Variants in SORCS2 observed in about 807,000 individuals in gnomAD.
The protein encoded by SORCS2 is sortilin related VPS10 domain containing receptor 2, also known as VPS10 domain-containing receptor SorCS2.
Under a neutral mutation model 141.6 loss-of-function variants are expected in SORCS2, and 100 were observed. That is an observed-to-expected ratio of 0.71 (90% CI 0.60 to 0.83). The LOEUF (loss-of-function observed/expected upper bound fraction) is 0.83. Among genes scored for constraint, SORCS2 ranks in the 40% least tolerant of loss-of-function variants. The pLI is 0.00. For missense variants in SORCS2, 1,646 were observed against 1,560.2 expected (o/e 1.05, Z -0.93); for synonymous variants, 789 against 676.9 (o/e 1.17, Z -2.57).
chr4:7,480,679 A>C (rs1056861936), intron 2 of SORCS2, among the ~76,000 whole-genome samples: 1 of 152,172 alleles, frequency 6.6e-6, no homozygotes, highest in African/African-American at 2.4e-5. Context: ...GGCCAGAACC[A>C]TGTGTGATAT....
At chr4:7,328,238 G>T (rs1157768933) in intron 1 of SORCS2, among the ~76,000 whole-genome samples, 2 of 147,088 alleles carry the variant, frequency 1.4e-5, no homozygotes, top group African/African-American at 5.1e-5. Flanking sequence ...GTTTTACCAT[G>T]TTGGCCAGGC....
chr4:7,376,481 G>A (rs1722663781), intron 1 of SORCS2, among the ~76,000 whole-genome samples: 1 of 152,184 alleles, frequency 6.6e-6, no homozygotes, highest in Non-Finnish European at 1.5e-5. Flanking sequence ...GGAGGCTGAG[G>A]CAGGAGAATC....
chr4:7,619,971 C>T (rs148802443), intron 3 of SORCS2, among the ~76,000 whole-genome samples: 1 of 152,172 alleles, frequency 6.6e-6, no homozygotes, highest in African/African-American at 2.4e-5. Flanking sequence ...CTCGCTCACT[C>T]TAGAAACAGC....
At chr4:7,433,573 A>C in intron 2 of SORCS2, 1 of 1,611,836 alleles carries the variant, frequency 6.2e-7, no homozygotes, top group South Asian at 1.1e-5. Context: ...CTTGCACTGG[A>C]TCATATAGGG....
intron 2 of SORCS2, among the ~76,000 whole-genome samples, chr4:7,497,204 C>T (rs1424250899): frequency 3.3e-5 from 5 of 152,238 alleles, no homozygotes; most frequent in Admixed American, 1.3e-4. Context: ...GGTGTTGGTG[C>T]ATTTAAGGGC....
chr4:7,389,918 G>A (rs1231129957), intron 1 of SORCS2, among the ~76,000 whole-genome samples: 2 of 152,000 alleles, frequency 1.3e-5, no homozygotes, highest in East Asian at 1.9e-4. Flanking sequence ...GAGCAGGGGT[G>A]CGGGCCTCCC....
intron 2 of SORCS2, among the ~76,000 whole-genome samples, chr4:7,461,879 C>T (rs1423507393): frequency 6.6e-6 from 1 of 152,118 alleles, no homozygotes; most frequent in Non-Finnish European, 1.5e-5. Flanking sequence ...CCTGGAGCTT[C>T]CAGGCACACC....
intron 1 of SORCS2, among the ~76,000 whole-genome samples, chr4:7,360,050 T>A (rs1259787953): frequency 6.6e-6 from 1 of 152,240 alleles, no homozygotes; most frequent in Non-Finnish European, 1.5e-5. Flanking sequence ...ACATGCATTA[T>A]TTTAATGAAT....
chr4:7,557,012 C>T (rs73084719), intron 3 of SORCS2, among the ~76,000 whole-genome samples: 73 of 150,260 alleles, frequency 4.9e-4, no homozygotes, highest in African/African-American at 1.2e-3. Context: ...TTTATCCATC[C>T]ATCTGTCCAC....
At chr4:7,559,031 C>T (rs1273855379) in intron 3 of SORCS2, among the ~76,000 whole-genome samples, 2 of 152,338 alleles carry the variant, frequency 1.3e-5, no homozygotes, top group Non-Finnish European at 2.9e-5. Context: ...TGTTTTGAGC[C>T]ACTACTCGCT....
intron 3 of SORCS2, among the ~76,000 whole-genome samples, chr4:7,561,979 C>G (rs1223809522): frequency 6.6e-6 from 1 of 152,206 alleles, no homozygotes; most frequent in Admixed American, 6.5e-5. Flanking sequence ...ATCCATCTAC[C>G]CATCCGTCCC....
At chr4:7,226,830 A>C (rs569092006) in intron 1 of SORCS2, among the ~76,000 whole-genome samples, 1 of 152,326 alleles carries the variant, frequency 6.6e-6, no homozygotes, top group African/African-American at 2.4e-5. Context: ...GCCGGGAAGC[A>C]CCAGGGCGTG....
intron 2 of SORCS2, among the ~76,000 whole-genome samples, chr4:7,399,418 G>C (rs1162151130): frequency 6.6e-6 from 1 of 152,166 alleles, no homozygotes; most frequent in Non-Finnish European, 1.5e-5. Flanking sequence ...GACAAGTATG[G>C]TCTTTTCATT....
At chr4:7,375,866 CTTTCCCTACCATCGGCCGCTTG>C (rs371299946) in intron 1 of SORCS2, among the ~76,000 whole-genome samples, 10,606 of 152,198 alleles carry the variant, frequency 0.07, 1,042 homozygotes, top group African/African-American at 0.22. Flanking sequence ...ATTCAAGTCA[CTTTCCCTACCATCGGCCGCTTG>C]TTATTCGTGC....
intron 3 of SORCS2, among the ~76,000 whole-genome samples, chr4:7,550,709 T>C (rs1006095246): frequency 7.9e-5 from 12 of 152,212 alleles, no homozygotes; most frequent in Non-Finnish European, 1.2e-4. Flanking sequence ...CTTGATGGAC[T>C]CTTCCAACAG....
chr4:7,326,174 G>C (rs770150860), intron 1 of SORCS2, among the ~76,000 whole-genome samples: 86 of 152,172 alleles, frequency 5.7e-4, no homozygotes, highest in Non-Finnish European at 2.9e-4. Context: ...ATAAATAGTG[G>C]GGATGGGAGG....
In SORCS2 at chr4:7,696,481, G is replaced by A. The variant is rs9999090; in HGVS notation, c.1592-717G>A. Among the ~76,000 whole-genome samples the A allele has an allele frequency of 7.9e-3, 1,209 of 152,262 alleles. 17 individuals are homozygous for A. Among genetic ancestry groups the A allele is most frequent in the African/African-American group, 0.028 (1,174 of 41,536 alleles). On this transcript the variant is annotated intron_variant, in intron 11 of 26. Transcript: ENST00000507866. ...GTTGTTCTTTCTACAGGAGACTCACGTGGGTTCAGCTTCCTCATCTGTAAC... is the reference window on the plus strand; with the variant it reads ...GTTGTTCTTTCTACAGGAGACTCACATGGGTTCAGCTTCCTCATCTGTAAC...
chr4:7,294,672 CT>C (rs1716842493), intron 1 of SORCS2, among the ~76,000 whole-genome samples: 1 of 136,150 alleles, frequency 7.3e-6, no homozygotes, highest in African/African-American at 2.8e-5. Flanking sequence ...CCTCTCCCTC[CT>C]CCTCCTCCTC....
intron 3 of SORCS2, among the ~76,000 whole-genome samples, chr4:7,565,803 GTGA>G (rs900414733): frequency 2.0e-5 from 3 of 147,168 alleles, no homozygotes; most frequent in Non-Finnish European, 4.6e-5. Flanking sequence ...GATGATGATG[GTGA>G]TGATGTGATG....
Sources: allele counts gnomAD v4.1 joint callset (sites outside exome capture counted in the v4.1 genomes callset), GRCh38; gene constraint gnomAD v4.1.1; transcripts MANE v1.5; gene names NCBI Gene and HGNC (gene_info 2026-07-23, HGNC 2026-07-21).